RHOU: variants seen among roughly 807,000 people sequenced by gnomAD.
RHOU encodes the protein rho-related GTP-binding protein RhoU.
RHOU carries 8 observed loss-of-function variants against 12.6 expected under a neutral mutation model. The ratio of observed to expected loss-of-function variants is 0.64; its 90% CI spans 0.37 to 1.15. The LOEUF is 1.15. RHOU is among the 50% of genes most tolerant of loss of function. The probability of loss-of-function intolerance (pLI) is 0.01; values close to 1 mark genes in which losing one functional copy is unlikely to be tolerated. For synonymous variants in RHOU, 161 were observed against 147.4 expected, an observed-to-expected ratio of 1.09 and a Z score of -0.67; for missense variants, 258 against 347.0, an observed-to-expected ratio of 0.74 and a Z score of 2.04.
chr1:228,687,752 G>A, the RHOU span: 1 of 1,409,746 alleles, frequency 7.1e-7, no homozygotes, highest in South Asian at 1.1e-5. Context: ...TGTGCAAGAT[G>A]GGAGCGCCCG....
At chr1:228,649,666 C>A in the RHOU span, among the ~76,000 whole-genome samples, 6 of 152,168 alleles carry the variant, frequency 3.9e-5, no homozygotes, top group African/African-American at 1.4e-4. Context: ...TTCCCGGGAT[C>A]ACATCCTAAA....
chr1:228,744,623 T>C lies in RHOU; in HGVS notation c.*883T>C, dbSNP rs1662790785. On this transcript the variant is annotated 3_prime_UTR_variant, in exon 3 of 3. Transcript: ENST00000366691. ...TGTCTGGATTGTTTTTAAACCTCCA[T>C]ACTCAAGCTGTCTCTTCGGCAGGGA... 1 of 152,218 alleles carries C rather than the reference T, an allele frequency of 6.6e-6. No homozygotes were observed. 9.4% of individuals were successfully genotyped at this position (152,218 alleles called of 1,614,324 possible). A position where few individuals can be genotyped will look rare whatever the true frequency, so the allele number is the denominator to read the frequency against.
the RHOU span, among the ~76,000 whole-genome samples, chr1:228,656,460 T>G: frequency 1.3e-5 from 2 of 152,242 alleles, no homozygotes; most frequent in African/African-American, 2.4e-5. Flanking sequence ...CTACATGTTT[T>G]AAGAGACTAG....
At chr1:228,712,824 TAAATAAATAAAATA>T in the RHOU span, among the ~76,000 whole-genome samples, 4 of 128,430 alleles carry the variant, frequency 3.1e-5, no homozygotes, top group African/African-American at 9.9e-5. Flanking sequence ...AATAAATAAA[TAAATAAATAAAATA>T]AAATAAAATA....
the RHOU span, among the ~76,000 whole-genome samples, chr1:228,665,449 G>C: frequency 6.6e-6 from 1 of 152,170 alleles, no homozygotes; most frequent in African/African-American, 2.4e-5. Flanking sequence ...GTTCTGGCTG[G>C]GTCACACATG....
At chr1:228,732,342 A>C (rs1423427234), upstream of RHOU, among the ~76,000 whole-genome samples, 1 of 152,192 alleles carries the variant, frequency 6.6e-6, no homozygotes, top group Non-Finnish European at 1.5e-5. Flanking sequence ...CACACCTTGG[A>C]GGGCTTCTTG....
chr1:228,727,022 G>A, the RHOU span, among the ~76,000 whole-genome samples: 4 of 152,142 alleles, frequency 2.6e-5, no homozygotes, highest in South Asian at 8.3e-4. Flanking sequence ...ACCATACACT[G>A]TCTTGCATTA....
chr1:228,647,200 A>G, the RHOU span, among the ~76,000 whole-genome samples: 2 of 152,206 alleles, frequency 1.3e-5, no homozygotes, highest in African/African-American at 4.8e-5. Context: ...CGGAGCGCTG[A>G]GACGGGTTTT....
the RHOU span, among the ~76,000 whole-genome samples, chr1:228,714,481 TCC>T: frequency 6.6e-6 from 1 of 152,178 alleles, no homozygotes; most frequent in African/African-American, 2.4e-5. Flanking sequence ...GATAACTTCC[TCC>T]ACATATTCTA....
At chr1:228,646,858 G>C in the RHOU span, among the ~76,000 whole-genome samples, 44 of 152,080 alleles carry the variant, frequency 2.9e-4, no homozygotes, top group South Asian at 5.8e-3. Flanking sequence ...AGAGCAAGGA[G>C]AAGATGGATG....
the RHOU span, among the ~76,000 whole-genome samples, chr1:228,684,353 C>T: frequency 9.1e-4 from 135 of 148,124 alleles, no homozygotes; most frequent in African/African-American, 3.4e-3. Context: ...TTTTTTGAGA[C>T]TAGGTCTCAT....
chr1:228,707,239 A>ATACATATGTG, the RHOU span, among the ~76,000 whole-genome samples: 9 of 86,176 alleles, frequency 1.0e-4, 1 homozygote, highest in African/African-American at 5.0e-4. Flanking sequence ...ACATATGTAT[A>ATACATATGTG]TATATATATA....
At chr1:228,684,200 C>T in the RHOU span, among the ~76,000 whole-genome samples, 1 of 152,056 alleles carries the variant, frequency 6.6e-6, no homozygotes, top group African/African-American at 2.4e-5. Context: ...CCATGATGGT[C>T]TAATTTTTGT....
the RHOU span, among the ~76,000 whole-genome samples, chr1:228,671,244 A>T: frequency 6.6e-6 from 1 of 152,204 alleles, no homozygotes; most frequent in South Asian, 2.1e-4. Context: ...ACCTCAGGTG[A>T]TCCACTCGCC....
At chr1:228,732,607 A>T (rs903953854), upstream of RHOU, among the ~76,000 whole-genome samples, 5 of 152,304 alleles carry the variant, frequency 3.3e-5, no homozygotes, top group African/African-American at 9.6e-5. Flanking sequence ...TAGGGCAAAC[A>T]TTAGTTCCCG....
the RHOU span, among the ~76,000 whole-genome samples, chr1:228,714,423 T>C: frequency 2.0e-5 from 3 of 152,182 alleles, no homozygotes; most frequent in Non-Finnish European, 2.9e-5. Flanking sequence ...TGGTAGAATT[T>C]CTCTCTGAAA....
chr1:228,673,880 A>G, the RHOU span, among the ~76,000 whole-genome samples: 4 of 152,220 alleles, frequency 2.6e-5, no homozygotes, highest in African/African-American at 7.2e-5. Context: ...GCACATGTGA[A>G]TACATTTCTA....
chr1:228,652,697 T>A, the RHOU span: 2 of 152,236 alleles, frequency 1.3e-5, no homozygotes, highest in African/African-American at 4.8e-5. Flanking sequence ...AAGAAACTGA[T>A]GAATTCATGA....
chr1:228,707,186 T>TATATATAC, the RHOU span, among the ~76,000 whole-genome samples: 1 of 104,568 alleles, frequency 9.6e-6, no homozygotes, highest in Admixed American at 1.1e-4. Context: ...TAACAAAATA[T>TATATATAC]ATATATATAC....
Sources: gnomAD v4.1 joint callset for allele counts (sites outside exome capture counted in the v4.1 genomes callset) on GRCh38, gnomAD v4.1.1 for gene constraint, MANE v1.5 for transcripts, NCBI Gene and HGNC (gene_info 2026-07-23, HGNC 2026-07-21) for gene names.